Variants in TMEM38B observed in about 807,000 individuals in gnomAD.
TMEM38B encodes transmembrane protein 38B.
A neutral mutation model predicts 28.7 loss-of-function variants in TMEM38B; 24 were observed. The ratio of observed to expected loss-of-function variants is 0.84; its 90% CI spans 0.61 to 1.18. TMEM38B has a LOEUF of 1.18. Ranked by LOEUF, TMEM38B falls within the 50% of genes most tolerant of loss-of-function variation. The pLI, the probability that TMEM38B is intolerant of heterozygous loss-of-function variation, is 0.00. For synonymous variants in TMEM38B, 131 were observed against 127.7 expected, an observed-to-expected ratio of 1.03 and a Z score of -0.17; for missense variants, 380 against 350.9, an observed-to-expected ratio of 1.08 and a Z score of -0.66.
At chr9:105,706,931 C>A (rs935475691) in intron 2 of TMEM38B, among the ~76,000 whole-genome samples, 3 of 152,110 alleles carry the variant, frequency 2.0e-5, no homozygotes, top group African/African-American at 7.2e-5. Flanking sequence ...CATGCGCCAC[C>A]ACGTCTGGCT....
chr9:105,712,811 A>G (rs980075783), intron 2 of TMEM38B, among the ~76,000 whole-genome samples: 2 of 152,040 alleles, frequency 1.3e-5, no homozygotes, highest in African/African-American at 4.8e-5. Flanking sequence ...ACAGCCCCAC[A>G]CCCCCCACAG....
chr9:105,710,608 T>C (rs927834470), intron 2 of TMEM38B: 3 of 783,154 alleles, frequency 3.8e-6, no homozygotes, highest in African/African-American at 1.7e-5. Flanking sequence ...CACCCTCAAA[T>C]TGAACAGAAG....
chr9:105,718,659 A>G (rs1460185556), intron 2 of TMEM38B, among the ~76,000 whole-genome samples: 1 of 152,236 alleles, frequency 6.6e-6, no homozygotes, highest in Admixed American at 6.5e-5. Context: ...ATCTACTGGC[A>G]AAGAGAAACA....
At chr9:105,734,686 G>C (rs898145305) in intron 4 of TMEM38B, among the ~76,000 whole-genome samples, 6 of 151,794 alleles carry the variant, frequency 4.0e-5, no homozygotes, top group African/African-American at 1.5e-4. Context: ...ATTAAATACT[G>C]ACCTTTGTCT....
intron 2 of TMEM38B, among the ~76,000 whole-genome samples, chr9:105,711,682 T>C (rs919180332): frequency 4.6e-5 from 7 of 151,738 alleles, no homozygotes; most frequent in African/African-American, 1.7e-4. Context: ...TAGCTGAGTG[T>C]CGTGACGCAT....
intron 5 of TMEM38B, chr9:105,759,796 C>G: frequency 6.2e-7 from 1 of 1,608,578 alleles, no homozygotes; most frequent in South Asian, 1.1e-5. Flanking sequence ...TGCTCAAGAC[C>G]AAGAGGAGTT....
chr9:105,729,828 A>G (rs1836664335), intron 4 of TMEM38B, among the ~76,000 whole-genome samples: 1 of 151,604 alleles, frequency 6.6e-6, no homozygotes, highest in African/African-American at 2.4e-5. Flanking sequence ...TAGGTATTTT[A>G]TTCTCTTTGT....
At chr9:105,714,679 A>G (rs1836031378) in intron 2 of TMEM38B, among the ~76,000 whole-genome samples, 1 of 152,182 alleles carries the variant, frequency 6.6e-6, no homozygotes, top group African/African-American at 2.4e-5. Flanking sequence ...AAATTATCCC[A>G]TCTTCAGCCA....
At chr9:105,754,016 T>C (rs7026243) in intron 5 of TMEM38B, among the ~76,000 whole-genome samples, 11,530 of 152,216 alleles carry the variant, frequency 0.076, 994 homozygotes, top group African/African-American at 0.21. Context: ...GTTGCAATCC[T>C]AGTTTCAGAC....
chr9:105,733,921 T>C (rs1836869612), intron 4 of TMEM38B, among the ~76,000 whole-genome samples: 1 of 152,146 alleles, frequency 6.6e-6, no homozygotes, highest in Admixed American at 6.5e-5. Flanking sequence ...CTCAGTTTGA[T>C]TGATTTTTTT....
At chr9:105,759,273 G>A in intron 5 of TMEM38B, 1 of 733,842 alleles carries the variant, frequency 1.4e-6, no homozygotes, top group Admixed American at 2.1e-5. Flanking sequence ...TAGATCCAGT[G>A]GGATACATAG....
intron 1 of TMEM38B, among the ~76,000 whole-genome samples, chr9:105,695,538 T>C (rs945489575): frequency 6.6e-6 from 1 of 152,258 alleles, no homozygotes. Flanking sequence ...AGTTGTATTT[T>C]ATTGGATTTT....
rs982262531 is a variant in TMEM38B, at chr9:105,775,504, T to A, written c.*1424T>A. On this transcript the variant is annotated 3_prime_UTR_variant, in exon 6 of 6. Transcript: ENST00000374692. ...AAGTTAGAAGTTTTTTTTTTGTTGTTGTTATTTTAAATTTTTAACAAATAT... is the reference window on the plus strand; with the variant it reads ...AAGTTAGAAGTTTTTTTTTTGTTGTAGTTATTTTAAATTTTTAACAAATAT... 2.6e-5 allele frequency: 4 copies of A among 152,110 alleles called. No homozygotes were observed. Among genetic ancestry groups the A allele is most frequent in the Admixed American group, 6.6e-5 (1 of 15,264 alleles). 9.4% of individuals were successfully genotyped at this position (152,110 alleles called of 1,614,324 possible).
intron 5 of TMEM38B, among the ~76,000 whole-genome samples, chr9:105,751,467 C>T (rs1837648672): frequency 6.6e-6 from 1 of 152,208 alleles, no homozygotes; most frequent in South Asian, 2.1e-4. Flanking sequence ...AGCAGCTGCT[C>T]AGTCATACAC....
chr9:105,769,581 T>G (rs1237568895), intron 5 of TMEM38B, among the ~76,000 whole-genome samples: 1 of 152,194 alleles, frequency 6.6e-6, no homozygotes, highest in Admixed American at 6.5e-5. Context: ...AATTTACAAG[T>G]CTGGCTACAC....
At chr9:105,762,151 T>C (rs1339191270) in intron 5 of TMEM38B, among the ~76,000 whole-genome samples, 1 of 152,138 alleles carries the variant, frequency 6.6e-6, no homozygotes, top group Non-Finnish European at 1.5e-5. Flanking sequence ...AATATTTCTC[T>C]ATAAAGTGAT....
intron 5 of TMEM38B, among the ~76,000 whole-genome samples, chr9:105,766,024 A>G (rs1348126813): frequency 6.6e-6 from 1 of 152,084 alleles, no homozygotes; most frequent in East Asian, 1.9e-4. Context: ...AATTGTCTCA[A>G]TCTCCTGACC....
At chr9:105,708,143 T>C (rs1835751461) in intron 2 of TMEM38B, among the ~76,000 whole-genome samples, 1 of 152,164 alleles carries the variant, frequency 6.6e-6, no homozygotes, top group Admixed American at 6.5e-5. Context: ...ACAAAATTAT[T>C]ACAGTTGGCC....
chr9:105,739,281 C>G (rs1021726204), intron 4 of TMEM38B, among the ~76,000 whole-genome samples: 26 of 150,024 alleles, frequency 1.7e-4, no homozygotes, highest in Non-Finnish European at 3.1e-4. Flanking sequence ...CCAAATTAGG[C>G]AGTGTGTGTC....
Sources: gnomAD v4.1 joint callset for allele counts (sites outside exome capture counted in the v4.1 genomes callset) on GRCh38, gnomAD v4.1.1 for gene constraint, MANE v1.5 for transcripts, NCBI Gene and HGNC (gene_info 2026-07-23, HGNC 2026-07-21) for gene names.